The following SLC9A8 variants were observed in gnomAD, a reference collection of about 807,000 sequenced individuals.
SLC9A8 encodes the protein sodium/hydrogen exchanger 8.
In SLC9A8, 48 loss-of-function variants were observed where a neutral mutation model predicts 66.6. That is an observed-to-expected ratio of 0.72 (90% CI 0.57 to 0.92). SLC9A8 has a LOEUF of 0.92. Ranked by LOEUF, SLC9A8 falls within the 40% of genes least tolerant of loss-of-function variation. The probability of loss-of-function intolerance (pLI) is 0.00; values close to 1 mark genes in which losing one functional copy is unlikely to be tolerated. For synonymous variants in SLC9A8, 274 were observed against 282.6 expected (o/e 0.97, Z 0.31); for missense variants, 599 against 747.3 (o/e 0.80, Z 2.31).
At chr20:49,859,084 C>T (rs2088631249) in intron 8 of SLC9A8, among the ~76,000 whole-genome samples, 1 of 152,190 alleles carries the variant, frequency 6.6e-6, no homozygotes, top group Non-Finnish European at 1.5e-5. Context: ...ACTGCTGAGG[C>T]CACGGTTGGA....
chr20:49,839,832 A>T (rs868198253), intron 4 of SLC9A8, among the ~76,000 whole-genome samples: 1 of 151,446 alleles, frequency 6.6e-6, no homozygotes. Context: ...TTTTTTTGTT[A>T]TTATACTTGC....
chr20:49,885,210 G>A (rs2146783402), intron 14 of SLC9A8, among the ~76,000 whole-genome samples: 1 of 152,344 alleles, frequency 6.6e-6, no homozygotes, highest in Admixed American at 6.5e-5. Context: ...TTTCACAAAA[G>A]CTCTAGCTTA....
intron 3 of SLC9A8, chr20:49,830,317 G>A (rs551060073): frequency 8.3e-6 from 9 of 1,085,698 alleles, no homozygotes; most frequent in South Asian, 2.5e-5. Context: ...GTCTGGAACC[G>A]CACTGCCAAG....
chr20:49,833,329 T>A (rs2087292960), intron 3 of SLC9A8, among the ~76,000 whole-genome samples: 1 of 152,176 alleles, frequency 6.6e-6, no homozygotes, highest in Non-Finnish European at 1.5e-5. Flanking sequence ...ATTTTTATTT[T>A]TGCTTTGTTT....
intron 6 of SLC9A8, 175 bp from the exon 7 acceptor site, chr20:49,850,635 A>G: frequency 3.1e-6 from 2 of 636,022 alleles, no homozygotes; most frequent in Non-Finnish European, 5.2e-6. Context: ...TTGCATGCCG[A>G]TGGAATGCAT....
intron 3 of SLC9A8, among the ~76,000 whole-genome samples, chr20:49,827,502 G>A (rs576424407): frequency 6.6e-6 from 1 of 151,522 alleles, no homozygotes; most frequent in East Asian, 2.0e-4. Flanking sequence ...TATTCAGGAG[G>A]ATGGGGCAGG....
At chr20:49,848,114 G>A (rs2088087849) in intron 5 of SLC9A8, among the ~76,000 whole-genome samples, 1 of 151,766 alleles carries the variant, frequency 6.6e-6, no homozygotes, top group South Asian at 2.1e-4. Flanking sequence ...AGCAGAGATG[G>A]GGTTTCTCCA....
intron 12 of SLC9A8, 115 bp from the exon 13 acceptor site, chr20:49,880,809 G>A (rs1160517695): frequency 1.4e-6 from 1 of 714,120 alleles, no homozygotes; most frequent in Non-Finnish European, 2.5e-6. Flanking sequence ...GTGGCTGAGG[G>A]GAATACTGCA....
intron 3 of SLC9A8, among the ~76,000 whole-genome samples, chr20:49,838,317 A>T (rs772749703): frequency 6.6e-6 from 1 of 152,216 alleles, no homozygotes; most frequent in Non-Finnish European, 1.5e-5. Context: ...TGTAATTACA[A>T]CCTGAAAAAA....
chr20:49,878,144 A>G, intron 12 of SLC9A8, 81 bp downstream of exon 12: 1 of 803,454 alleles, frequency 1.2e-6, no homozygotes, highest in Non-Finnish European at 1.9e-6. Context: ...CATTTATGTA[A>G]CTGTTAACTG....
intron 3 of SLC9A8, chr20:49,829,736 C>G: frequency 3.9e-6 from 2 of 513,128 alleles, no homozygotes; most frequent in Admixed American, 4.5e-5. Context: ...CAGACGTCAT[C>G]CCACAATTCT....
chr20:49,849,845 G>A (rs1320678346), intron 6 of SLC9A8, among the ~76,000 whole-genome samples, 165 bp downstream of exon 6: 4 of 152,182 alleles, frequency 2.6e-5, no homozygotes, highest in East Asian at 1.9e-4. Flanking sequence ...CAGTAGAGGC[G>A]TGCTAAATTG....
Position 49,890,781 on chromosome 20 carries a change from C to T in SLC9A8, c.*2845C>T, listed in dbSNP as rs1410660222. 5 of 152,204 alleles carry T rather than the reference C, an allele frequency of 3.3e-5. No homozygotes were observed. The highest frequency in any genetic ancestry group is 7.3e-5 in the Non-Finnish European group (5 of 68,076). The allele number at this position is 152,204 out of a possible 1,614,324, so 9.4% of individuals were successfully genotyped here. ...CACTGTCCAGAGGCAGAACTGAAGCCCTCTCGGCCCCTACCCTAAGCCAGC... is the reference window on the plus strand; with the variant it reads ...CACTGTCCAGAGGCAGAACTGAAGCTCTCTCGGCCCCTACCCTAAGCCAGC... On this transcript the variant is annotated 3_prime_UTR_variant, in exon 16 of 16. Transcript: ENST00000361573.
intron 11 of SLC9A8, among the ~76,000 whole-genome samples, chr20:49,876,201 T>C (rs2089421248): frequency 1.3e-5 from 2 of 152,164 alleles, no homozygotes; most frequent in Non-Finnish European, 2.9e-5. Flanking sequence ...CCAGGTCTCT[T>C]TATTCCTGGG....
At chr20:49,864,648 T>C (rs185054437) in intron 9 of SLC9A8, 91 bp from the exon 10 acceptor site, 128 of 831,020 alleles carry the variant, frequency 1.5e-4, no homozygotes, top group Admixed American at 4.4e-4. Context: ...TGTTGTTTAC[T>C]TCATATATTT....
intron 8 of SLC9A8, among the ~76,000 whole-genome samples, 193 bp from the exon 9 acceptor site, chr20:49,862,736 C>T (rs761900726): frequency 6.6e-6 from 1 of 152,178 alleles, no homozygotes; most frequent in Non-Finnish European, 1.5e-5. Flanking sequence ...CAGCTTTGCT[C>T]TCATCTCTGA....
intron 1 of SLC9A8, among the ~76,000 whole-genome samples, chr20:49,814,113 T>A (rs2086460996): frequency 1.3e-5 from 2 of 152,210 alleles, no homozygotes. Context: ...AGTTATTTAT[T>A]GAGCAGCTGC....
chr20:49,828,273 G>C (rs1004292458), intron 3 of SLC9A8, among the ~76,000 whole-genome samples: 2 of 151,384 alleles, frequency 1.3e-5, no homozygotes, highest in Non-Finnish European at 2.9e-5. Flanking sequence ...GTAGAAACAG[G>C]GTTTCACCAT....
intron 11 of SLC9A8, 114 bp downstream of exon 11, chr20:49,874,935 CA>C (rs1442572756): frequency 4.0e-6 from 3 of 755,582 alleles, no homozygotes; most frequent in Non-Finnish European, 7.2e-6. Context: ...AGCAGCTCCT[CA>C]GAGCCAGATC....
Sources: allele counts gnomAD v4.1 joint callset (sites outside exome capture counted in the v4.1 genomes callset), GRCh38; gene constraint gnomAD v4.1.1; transcripts MANE v1.5; gene names NCBI Gene and HGNC (gene_info 2026-07-23, HGNC 2026-07-21).